Variants in SUPT5H observed in about 807,000 individuals in gnomAD.
The protein encoded by SUPT5H is SPT5 homolog, DSIF elongation factor subunit.
Under a neutral mutation model 142.5 loss-of-function variants are expected in SUPT5H, and 24 were observed. The ratio of observed to expected loss-of-function variants is 0.17; its 90% CI spans 0.12 to 0.24. The LOEUF (loss-of-function observed/expected upper bound fraction) is 0.24. Among genes scored for constraint, SUPT5H ranks in the 10% least tolerant of loss-of-function variants. The pLI is 1.00. For synonymous variants in SUPT5H, 546 were observed against 553.0 expected (o/e 0.99, Z 0.18); for missense variants, 893 against 1,471.8 (o/e 0.61, Z 6.43).
intron 2 of SUPT5H, among the ~76,000 whole-genome samples, chr19:39,448,069 T>C (rs1392236094): frequency 1.3e-5 from 2 of 152,232 alleles, no homozygotes; most frequent in Admixed American, 6.5e-5. Flanking sequence ...GATGAGTGGC[T>C]GCCCTACTTA....
intron 11 of SUPT5H, among the ~76,000 whole-genome samples, chr19:39,465,570 T>C (rs1308634729): frequency 6.6e-6 from 1 of 152,240 alleles, no homozygotes; most frequent in East Asian, 1.9e-4. Context: ...GAGACATTTT[T>C]GGTTATGTCA....
chr19:39,470,630 G>A lies in SUPT5H; in HGVS notation c.1677+107G>A. The A allele has an allele frequency of 7.7e-7, 1 of 1,298,152 alleles. No homozygotes were observed. Among genetic ancestry groups the A allele is most frequent in the Non-Finnish European group, 1.0e-6 (1 of 970,054 alleles). 80.4% of individuals were successfully genotyped at this position (1,298,152 alleles called of 1,614,324 possible). A position where few individuals can be genotyped will look rare whatever the true frequency, so the allele number is the denominator to read the frequency against. On this transcript the variant is annotated intron_variant, in intron 18 of 29. Transcript: ENST00000432763. This position sits in a 1 kb window ranked among gnomAD's most constrained non-coding sequence, Gnocchi z 5.8. ...AGCCCCCAGACTGCTCTGGGTTGCA[G>A]ATCTGGCTCTGTCACTTACATCTGA...
chr19:39,459,597 C>G lies in SUPT5H; in HGVS notation c.555+8C>G. 6.2e-7 allele frequency: 1 copy of G among 1,613,870 alleles called. No individual in the cohort carries two copies. Among genetic ancestry groups the G allele is most frequent in the Non-Finnish European group, 8.5e-7 (1 of 1,179,930 alleles). ...TGGACTGTCAAATGTAAGGTATGTG[C>G]TCTGATCTCGGGGCTTGGAGGAGGT... On this transcript the variant is annotated splice_region_variant and intron_variant, in intron 9 of 29. Coordinates refer to ENST00000432763, the MANE Select transcript of SUPT5H (RefSeq NM_001111020.3).
intron 11 of SUPT5H, 84 bp downstream of exon 11, chr19:39,465,133 G>A (rs575282987): frequency 1.3e-6 from 2 of 1,526,088 alleles, no homozygotes; most frequent in East Asian, 2.3e-5. Flanking sequence ...CACCCTCTTT[G>A]TGCTGCAGAG....
At chr19:39,464,621 C>G (rs1375501048) in intron 10 of SUPT5H, among the ~76,000 whole-genome samples, 177 bp from the exon 11 acceptor site, 1 of 152,128 alleles carries the variant, frequency 6.6e-6, no homozygotes, top group African/African-American at 2.4e-5. Context: ...AATTTTTAGT[C>G]TGGTTTGTTT....
chr19:39,450,278 C>T (rs1018510216), intron 2 of SUPT5H, among the ~76,000 whole-genome samples: 1 of 151,468 alleles, frequency 6.6e-6, no homozygotes, highest in Admixed American at 6.6e-5. Context: ...ATGGGAGGCA[C>T]AGTTTTTTTT....
intron 13 of SUPT5H, among the ~76,000 whole-genome samples, chr19:39,467,276 G>A (rs1360521091): frequency 6.6e-6 from 1 of 152,080 alleles, no homozygotes; most frequent in Non-Finnish European, 1.5e-5. Flanking sequence ...CAAGCTACTT[G>A]GGAGGCTGAG....
In SUPT5H at chr19:39,445,584, T is replaced by G. The variant is rs982614623; in HGVS notation, c.-141T>G. 2 of 386,456 alleles carry G rather than the reference T, an allele frequency of 5.2e-6. No individual in the cohort carries two copies. 23.9% of individuals were successfully genotyped at this position (386,456 alleles called of 1,614,324 possible). On this transcript the variant is annotated 5_prime_UTR_variant, in exon 1 of 30. Coordinates refer to ENST00000432763, the MANE Select transcript of SUPT5H (RefSeq NM_001111020.3). ...TCGCGAGAGGACCCGTCAGCCCCAG[T>G]CAGGCGTCGTGCGAACAGCAGCTGG...
chr19:39,472,533 G>T lies in SUPT5H; in HGVS notation c.2035+40G>T. On this transcript the variant is annotated intron_variant, in intron 21 of 29. Transcript: ENST00000432763. This position sits in a 1 kb window ranked among gnomAD's most constrained non-coding sequence, Gnocchi z 4.2. ...GGGTCAGGGGATGTGGTGGGTAGAA[G>T]GGGCTGGAAGGAACTTGGTTGTTCA... is the stretch of plus-strand genomic sequence containing the variant. 1 of 1,606,172 alleles carries T rather than the reference G, an allele frequency of 6.2e-7. No individual in the cohort carries two copies. Among genetic ancestry groups the T allele is most frequent in the Non-Finnish European group, 8.5e-7 (1 of 1,173,718 alleles).
At position 39,476,447 on chromosome 19, in the gene SUPT5H, C is replaced by T. The variant is rs2079407839; in HGVS notation, c.*48C>T. ...CGTCGGATGAAGAGTGATCCTCCTTCCTTCCCTGGCCCTTGGCTGTGACAC... is the reference window on the plus strand; with the variant it reads ...CGTCGGATGAAGAGTGATCCTCCTTTCTTCCCTGGCCCTTGGCTGTGACAC... On this transcript the variant is annotated 3_prime_UTR_variant, in exon 30 of 30. Transcript: ENST00000432763. The T allele has an allele frequency of 6.2e-7, 1 of 1,607,504 alleles. No homozygotes were observed. The highest frequency in any genetic ancestry group is 1.3e-5 in the African/African-American group (1 of 74,950).
intron 10 of SUPT5H, among the ~76,000 whole-genome samples, chr19:39,463,689 C>G (rs539760321): frequency 2.0e-4 from 31 of 152,184 alleles, no homozygotes; most frequent in Non-Finnish European, 4.1e-4. Flanking sequence ...CAGTGTTGCT[C>G]AAGTGTTCTC....
At chr19:39,454,504 C>T (rs1291350991) in intron 3 of SUPT5H, among the ~76,000 whole-genome samples, 1 of 152,052 alleles carries the variant, frequency 6.6e-6, no homozygotes, top group East Asian at 1.9e-4. Flanking sequence ...GCCACCATGC[C>T]TGGCTAATTT....
Position 39,474,584 on chromosome 19 carries a change from A to G in SUPT5H, c.2890A>G (p.Asn964Asp), listed in dbSNP as rs763054973. 2 of 1,614,218 alleles carry G rather than the reference A, an allele frequency of 1.2e-6. No homozygotes were observed. Among genetic ancestry groups the G allele is most frequent in the Non-Finnish European group, 8.5e-7 (1 of 1,180,046 alleles). ...TGGAGCTCCCTCCCCTGGTGGCTACAACCCACACACGCCAGGCTCAGGCAT... is the reference window on the plus strand; with the variant it reads ...TGGAGCTCCCTCCCCTGGTGGCTACGACCCACACACGCCAGGCTCAGGCAT... The part of the protein sequence containing the change: ...TPGAPSPGGY[N>D]PHTPGSGIEQ... The change falls in exon 28 of 30, where the codon AAC (asparagine) becomes GAC (aspartate). Residue 964 changes from asparagine to aspartate, a missense_variant. Transcript: ENST00000432763. This position sits in a 1 kb window ranked among gnomAD's most constrained non-coding sequence, Gnocchi z 6.5.
chr19:39,457,869 C>A (rs1212431251), intron 4 of SUPT5H, 129 bp downstream of exon 4: 3 of 1,470,866 alleles, frequency 2.0e-6, no homozygotes, highest in East Asian at 2.5e-5. Flanking sequence ...TTGCTTCTTT[C>A]TGTCCTTCCC....
At position 39,457,747 on chromosome 19, in the gene SUPT5H, G is replaced by A. The variant is rs770245822; in HGVS notation, c.307+7G>A. On this transcript the variant is annotated splice_region_variant and intron_variant, in intron 4 of 29. Transcript: ENST00000432763. ...GAGGACATTCTAGAGAAAGGTGTGT[G>A]TGAGCCCTGCCTCCACAAGACTACT... is the stretch of plus-strand genomic sequence containing the variant. 1.9e-6 allele frequency: 3 copies of A among 1,614,140 alleles called. No homozygotes were observed. The highest frequency in any genetic ancestry group is 2.2e-5 in the East Asian group (1 of 44,886).
chr19:39,465,982 G>A (rs1202525131), intron 11 of SUPT5H, among the ~76,000 whole-genome samples: 1 of 152,108 alleles, frequency 6.6e-6, no homozygotes, highest in African/African-American at 2.4e-5. Context: ...CATTTCCTTC[G>A]AGCATCATGT....
chr19:39,452,495 C>T (rs996761110), intron 2 of SUPT5H, among the ~76,000 whole-genome samples: 7 of 152,048 alleles, frequency 4.6e-5, no homozygotes, highest in Admixed American at 6.6e-5. Context: ...GAGCATGATA[C>T]GGCAGAAGCC....
rs748978038 is a variant in SUPT5H at position 39,473,112 on chromosome 19, G to A, written c.2256G>A (p.Thr752=). The change falls in exon 23 of 30, where the codon ACG becomes ACA. Residue 752 remains threonine, a splice_region_variant and synonymous_variant. Transcript: ENST00000432763. This position sits in a 1 kb window ranked among gnomAD's most constrained non-coding sequence, Gnocchi z 5.8. ...TISVDRQRLT[T]VGSRRPGGMT... ...CTGTGGACCGTCAGCGGCTCACCAC[G>A]GTGTACGGGCGGGGCCTGGGGAGGG... 6 of 1,613,126 alleles carry A rather than the reference G, an allele frequency of 3.7e-6. No homozygotes were observed. Among genetic ancestry groups the A allele is most frequent in the Admixed American group, 3.3e-5 (2 of 59,998 alleles).
At chr19:39,464,141 AC>A (rs1193608746) in intron 10 of SUPT5H, among the ~76,000 whole-genome samples, 2 of 151,650 alleles carry the variant, frequency 1.3e-5, no homozygotes, top group African/African-American at 4.8e-5. Context: ...GTGCCACCAC[AC>A]CCGGCTAATC....
Sources: gnomAD v4.1 joint callset for allele counts (sites outside exome capture counted in the v4.1 genomes callset) on GRCh38, gnomAD v4.1.1 for gene constraint, Gnocchi (gnomAD v3.1) non-coding constraint, MANE v1.5 for transcripts, NCBI Gene and HGNC (gene_info 2026-07-23, HGNC 2026-07-21) for gene names.